The following THSD4 variants were observed in gnomAD, a reference collection of about 807,000 sequenced individuals.
THSD4 encodes thrombospondin type-1 domain-containing protein 4.
A neutral mutation model predicts 119.0 loss-of-function variants in THSD4; 69 were observed. The ratio of observed to expected loss-of-function variants is 0.58; its 90% CI spans 0.48 to 0.71. The LOEUF (loss-of-function observed/expected upper bound fraction) is 0.71. Among genes scored for constraint, THSD4 ranks in the 30% least tolerant of loss-of-function variants. The pLI is 0.00. For synonymous variants in THSD4, 524 were observed against 540.4 expected, an observed-to-expected ratio of 0.97 and a Z score of 0.42; for missense variants, 1,393 against 1,391.1, an observed-to-expected ratio of 1.00 and a Z score of -0.02.
intron 7 of THSD4, among the ~76,000 whole-genome samples, chr15:71,655,117 G>A: frequency 6.6e-6 from 1 of 152,132 alleles, no homozygotes; most frequent in East Asian, 1.9e-4. Flanking sequence ...AGAAATCACT[G>A]GAAAAAATAC....
chr15:71,737,341 A>G (rs1009539219), intron 10 of THSD4, among the ~76,000 whole-genome samples: 10 of 152,250 alleles, frequency 6.6e-5, no homozygotes, highest in African/African-American at 2.4e-4. Flanking sequence ...CACCTTCAAA[A>G]GGAGTTTAGG....
intron 6 of THSD4, among the ~76,000 whole-genome samples, chr15:71,287,333 C>T (rs1324798302): frequency 2.6e-5 from 4 of 152,062 alleles, no homozygotes; most frequent in East Asian, 1.9e-4. Flanking sequence ...GAAAATTGTA[C>T]GTGTCCAAGA....
chr15:71,755,626 C>T (rs1188728220), intron 14 of THSD4, among the ~76,000 whole-genome samples: 2 of 135,168 alleles, frequency 1.5e-5, no homozygotes, highest in Non-Finnish European at 3.1e-5. Flanking sequence ...TGGATTTACT[C>T]ATGAATAAGA....
intron 8 of THSD4, among the ~76,000 whole-genome samples, chr15:71,727,710 C>T (rs1457317446): frequency 7.1e-6 from 1 of 141,696 alleles, no homozygotes; most frequent in African/African-American, 2.6e-5. Context: ...GTTGAGGCTG[C>T]ACTGAGCCAG....
At chr15:71,299,593 T>C (rs2044915850) in intron 6 of THSD4, among the ~76,000 whole-genome samples, 1 of 152,148 alleles carries the variant, frequency 6.6e-6, no homozygotes. Flanking sequence ...GGGTACAAAG[T>C]TTCAGTTAGA....
At chr15:71,758,268 C>T (rs1214721242) in intron 15 of THSD4, among the ~76,000 whole-genome samples, 193 bp downstream of exon 15, 2 of 152,226 alleles carry the variant, frequency 1.3e-5, no homozygotes, top group African/African-American at 2.4e-5. Context: ...TGAGCACCTA[C>T]GGTGTGCTCA....
At chr15:71,275,225 G>A (rs1220708800) in intron 6 of THSD4, among the ~76,000 whole-genome samples, 2 of 151,648 alleles carry the variant, frequency 1.3e-5, no homozygotes, top group Non-Finnish European at 2.9e-5. Flanking sequence ...ATTTGCCTGA[G>A]GGCCTGCAGA....
intron 6 of THSD4, among the ~76,000 whole-genome samples, chr15:71,380,816 C>CAA (rs1164591841): frequency 1.3e-5 from 2 of 152,184 alleles, no homozygotes; most frequent in Admixed American, 1.3e-4. Flanking sequence ...CCAAGCTTGC[C>CAA]ACCCACCACT....
At chr15:71,435,508 A>G (rs751033337) in intron 7 of THSD4, among the ~76,000 whole-genome samples, 1 of 152,214 alleles carries the variant, frequency 6.6e-6, no homozygotes, top group Non-Finnish European at 1.5e-5. Flanking sequence ...TCTTTATCTC[A>G]TAAGTGACTC....
At chr15:71,560,603 G>A (rs1347958353) in intron 7 of THSD4, among the ~76,000 whole-genome samples, 1 of 152,296 alleles carries the variant, frequency 6.6e-6, no homozygotes, top group African/African-American at 2.4e-5. Context: ...TAAATGTTCT[G>A]TGGAAGCTTG....
chr15:71,402,229 TAAAA>T (rs200508757), intron 6 of THSD4, among the ~76,000 whole-genome samples: 2 of 145,966 alleles, frequency 1.4e-5, no homozygotes, highest in Admixed American at 6.8e-5. Flanking sequence ...GTATAATAAT[TAAAA>T]AAAAAAAGAA....
At position 71,771,190 on chromosome 15, in the gene THSD4, G is replaced by C. The variant is rs865846564; in HGVS notation, c.2896G>C (p.Asp966His). ...PEERESCNPQ[D>H]CVPEVDENCK... ...AGAGAGAGAATCTTGTAACCCTCAG[G>C]ACTGTGTCCCTGAAGTTGGTAAGTA... is the stretch of plus-strand genomic sequence containing the variant. The change falls in exon 17 of 18, where the codon GAC becomes CAC. Residue 966 changes from aspartate to histidine, a missense_variant. Asp to His is a moderately conservative substitution (Grantham distance 81, BLOSUM62 -1). Transcript: ENST00000261862. The C allele has an allele frequency of 6.2e-7, 1 of 1,613,920 alleles. No homozygotes were observed. Among genetic ancestry groups the C allele is most frequent in the Non-Finnish European group, 8.5e-7 (1 of 1,180,018 alleles).
intron 7 of THSD4, among the ~76,000 whole-genome samples, chr15:71,639,724 T>G (rs377441067): frequency 3.5e-4 from 54 of 152,288 alleles, no homozygotes; most frequent in African/African-American, 1.3e-3. Flanking sequence ...GTTCTTTATT[T>G]TATGGTTTTG....
rs762462184 is a variant in THSD4, at chr15:71,409,145, C to CT, written c.1016-2532dup. 1.1e-3 allele frequency among the ~76,000 whole-genome samples: 133 copies of CT among 122,026 alleles called. 1 individual carries two copies. Among genetic ancestry groups the CT allele is most frequent in the South Asian group, 2.9e-3 (11 of 3,748 alleles). The allele number at this position is 122,026 out of a possible 152,430, so 80.1% of individuals were successfully genotyped here. On this transcript the variant is annotated intron_variant, in intron 6 of 17. Coordinates refer to ENST00000261862, the MANE Select transcript of THSD4 (RefSeq NM_024817.3). ...TCTGCTGTAATTGTCTCACGTTTAG[C>CT]TTTTTTTTTTCCCCCCCCCTCAGAA...
chr15:71,278,342 T>G (rs997613188), intron 6 of THSD4, among the ~76,000 whole-genome samples: 1 of 152,158 alleles, frequency 6.6e-6, no homozygotes, highest in African/African-American at 2.4e-5. Context: ...AATACAGCCA[T>G]GCACTATACA....
intron 7 of THSD4, among the ~76,000 whole-genome samples, chr15:71,445,369 A>G (rs1397672060): frequency 6.6e-6 from 1 of 152,198 alleles, no homozygotes; most frequent in East Asian, 1.9e-4. Flanking sequence ...ACTATCTAGC[A>G]CAGTGAGTCA....
intron 6 of THSD4, among the ~76,000 whole-genome samples, chr15:71,310,222 T>C (rs2140348521): frequency 6.6e-6 from 1 of 152,302 alleles, no homozygotes. Context: ...CTTATGATTC[T>C]CTTACACTGT....
At chr15:71,669,657 A>G (rs2051484113) in intron 8 of THSD4, among the ~76,000 whole-genome samples, 1 of 152,186 alleles carries the variant, frequency 6.6e-6, no homozygotes, top group Non-Finnish European at 1.5e-5. Context: ...GTCAGTTTAT[A>G]TTTATAAAGA....
intron 14 of THSD4, among the ~76,000 whole-genome samples, chr15:71,749,708 T>TATTTA (rs1455867606): frequency 6.9e-6 from 1 of 144,214 alleles, no homozygotes; most frequent in Non-Finnish European, 1.5e-5. Context: ...TTTATTTATT[T>TATTTA]ATTTATTTAT....
Sources: gnomAD v4.1 joint callset for allele counts (sites outside exome capture counted in the v4.1 genomes callset) on GRCh38, gnomAD v4.1.1 for gene constraint, MANE v1.5 for transcripts, NCBI Gene and HGNC (gene_info 2026-07-23, HGNC 2026-07-21) for gene names.